The following FXYD6 variants were observed in gnomAD, a reference collection of about 807,000 sequenced individuals.
FXYD6 encodes the protein FXYD domain containing ion transport regulator 6.
A neutral mutation model predicts 16.7 loss-of-function variants in FXYD6; 7 were observed. That is an observed-to-expected ratio of 0.42 (90% CI 0.24 to 0.79). The LOEUF is 0.79. Ranked by LOEUF, FXYD6 falls within the 30% of genes least tolerant of loss-of-function variation. The pLI is 0.28. For synonymous variants in FXYD6, 49 were observed against 43.0 expected, an observed-to-expected ratio of 1.14 and a Z score of -0.54; for missense variants, 111 against 116.2, an observed-to-expected ratio of 0.95 and a Z score of 0.21.
intron 1 of FXYD6, among the ~76,000 whole-genome samples, chr11:117,846,256 C>T (rs187039751): frequency 1.3e-5 from 2 of 152,182 alleles, no homozygotes; most frequent in East Asian, 1.9e-4. Flanking sequence ...GCCGTTTGCC[C>T]GTTTTCCAAG....
At chr11:117,854,556 C>T (rs547285300) in intron 1 of FXYD6, among the ~76,000 whole-genome samples, 1 of 152,316 alleles carries the variant, frequency 6.6e-6, no homozygotes, top group South Asian at 2.1e-4. Context: ...AAGATACAGC[C>T]TTAGCTACCA....
chr11:117,860,291 T>G (rs2056874762), intron 1 of FXYD6, among the ~76,000 whole-genome samples: 1 of 152,196 alleles, frequency 6.6e-6, no homozygotes, highest in Non-Finnish European at 1.5e-5. Context: ...TGTGGCTCTT[T>G]GAAGGGCCCA....
chr11:117,866,644 A>G (rs7101835), intron 1 of FXYD6, among the ~76,000 whole-genome samples: 74,124 of 151,982 alleles, frequency 0.49, 19,178 homozygotes, highest in East Asian at 0.72. Context: ...GTCCCAGCTG[A>G]GCTTTGGCAT....
chr11:117,864,666 A>T (rs1254185582), intron 1 of FXYD6, among the ~76,000 whole-genome samples: 2 of 152,016 alleles, frequency 1.3e-5, no homozygotes, highest in Non-Finnish European at 2.9e-5. Flanking sequence ...GGCTGACTGC[A>T]ACCTCCACCT....
rs762246026 is a variant in FXYD6, at chr11:117,841,813, C to T, written c.150G>A (p.Ser50=). Residue 50 remains serine, a synonymous_variant, in exon 4 of 8, where the codon TCG becomes TCA. Coordinates refer to ENST00000526014, the MANE Select transcript of FXYD6 (RefSeq NM_022003.4). The part of the protein sequence containing the change: ...GGLVFAVVLF[S]VGILLILSRR... ...TACTTAGGATAAGGAGGATCCCAAC[C>T]GAGAAGAGGACCACAGCGAACACCA... is the stretch of plus-strand genomic sequence containing the variant. The T allele has an allele frequency of 1.3e-5, 21 of 1,613,912 alleles. No individual in the cohort carries two copies. The highest frequency in any genetic ancestry group is 1.6e-4 in the Middle Eastern group (1 of 6,062).
intron 1 of FXYD6, among the ~76,000 whole-genome samples, chr11:117,860,566 C>T (rs376420136): frequency 6.6e-6 from 1 of 152,158 alleles, no homozygotes; most frequent in African/African-American, 2.4e-5. Context: ...GCTGTTTACT[C>T]GGGTGGGGGA....
rs2134124871 is a variant in FXYD6, at chr11:117,837,888, G to A, written c.*411C>T. 2.8e-6 allele frequency: 1 copy of A among 358,582 alleles called. No homozygotes were observed. The allele number at this position is 358,582 out of a possible 1,614,324, so 22.2% of individuals were successfully genotyped here. A position where few individuals can be genotyped will look rare whatever the true frequency, so the allele number is the denominator to read the frequency against. On this transcript the variant is annotated 3_prime_UTR_variant, in exon 8 of 8. Transcript: ENST00000526014. The surrounding 1 kb of genome is among the most constrained non-coding windows in gnomAD (Gnocchi z 4.4). Reference sequence around the variant, plus strand: ...TCGGGCAACAAGCAGCCTCCTAGGAGCAGAAGGTGATGGAGGGCCACGGGG... The same window carrying A: ...TCGGGCAACAAGCAGCCTCCTAGGAACAGAAGGTGATGGAGGGCCACGGGG...
chr11:117,865,190 G>A (rs1195662070), intron 1 of FXYD6, among the ~76,000 whole-genome samples: 7 of 152,124 alleles, frequency 4.6e-5, no homozygotes. Context: ...TAGGATAGCT[G>A]CTATAAAAAA....
intron 1 of FXYD6, among the ~76,000 whole-genome samples, chr11:117,845,758 C>T (rs2056453733): frequency 1.3e-5 from 2 of 152,180 alleles, no homozygotes; most frequent in South Asian, 4.1e-4. Flanking sequence ...ATCACCACTC[C>T]CATAAGAAAT....
intron 2 of FXYD6, 155 bp from the exon 3 acceptor site, chr11:117,842,183 C>T (rs2056363005): frequency 8.7e-7 from 1 of 1,149,460 alleles, no homozygotes; most frequent in Non-Finnish European, 1.2e-6. Flanking sequence ...GTAGGGCGGG[C>T]CTGCCAGTTA....
intron 1 of FXYD6, among the ~76,000 whole-genome samples, chr11:117,845,524 A>C (rs930879406): frequency 3.9e-5 from 6 of 152,132 alleles, no homozygotes; most frequent in Admixed American, 1.3e-4. Flanking sequence ...TCTGTGGTTC[A>C]CTGACTTACT....
chr11:117,851,969 G>A (rs2134161182), intron 1 of FXYD6, among the ~76,000 whole-genome samples: 1 of 152,368 alleles, frequency 6.6e-6, no homozygotes, highest in African/African-American at 2.4e-5. Context: ...GCTGGAGCTC[G>A]AGAATTTTCT....
intron 3 of FXYD6, 28 bp downstream of exon 3, chr11:117,841,962 C>T: frequency 6.2e-7 from 1 of 1,614,150 alleles, no homozygotes; most frequent in Non-Finnish European, 8.5e-7. Flanking sequence ...TCCCCCTGAC[C>T]CCTGCACCCA....
rs561952504 is a variant in FXYD6, at chr11:117,851,971, G to A, written c.-5-9190C>T. ...CTCAATCTTGCAGGCTGGAGCTCGA[G>A]AATTTTCTCCCTTGCTGGCTTGAAA... is the stretch of plus-strand genomic sequence containing the variant. On this transcript the variant is annotated intron_variant, in intron 1 of 7. Transcript: ENST00000526014. Among the ~76,000 whole-genome samples, 5 of 152,358 alleles carry A rather than the reference G, an allele frequency of 3.3e-5. No individual in the cohort carries two copies. In the South Asian group the frequency reaches 1.0e-3, roughly 32 times the overall value.
At chr11:117,871,451 G>C (rs542051851) in intron 1 of FXYD6, among the ~76,000 whole-genome samples, 3 of 152,024 alleles carry the variant, frequency 2.0e-5, no homozygotes, top group Admixed American at 1.3e-4. Flanking sequence ...CGGTGCAGTG[G>C]AGCGGGCGGG....
intron 1 of FXYD6, among the ~76,000 whole-genome samples, chr11:117,871,541 ATATGAG>A (rs1284077070): frequency 7.2e-5 from 11 of 152,212 alleles, no homozygotes; most frequent in Non-Finnish European, 1.6e-4. Flanking sequence ...CATTCACGGT[ATATGAG>A]TATGTTTATT....
intron 1 of FXYD6, among the ~76,000 whole-genome samples, chr11:117,846,909 C>A (rs2056483208): frequency 6.6e-6 from 1 of 152,144 alleles, no homozygotes; most frequent in Non-Finnish European, 1.5e-5. Context: ...TTTTCAAATT[C>A]ATCTAAAACT....
chr11:117,854,067 T>A (rs1444577348), intron 1 of FXYD6, among the ~76,000 whole-genome samples: 1 of 152,236 alleles, frequency 6.6e-6, no homozygotes, highest in Non-Finnish European at 1.5e-5. Context: ...TCTCCTTCTC[T>A]TTCTTTCTCC....
chr11:117,852,991 G>C (rs1007989607), intron 1 of FXYD6, among the ~76,000 whole-genome samples: 1 of 152,236 alleles, frequency 6.6e-6, no homozygotes, highest in East Asian at 1.9e-4. Flanking sequence ...AATTGCCTGG[G>C]CATTTGTGTT....
Sources: allele counts gnomAD v4.1 joint callset (sites outside exome capture counted in the v4.1 genomes callset), GRCh38; gene constraint gnomAD v4.1.1; non-coding constraint Gnocchi (gnomAD v3.1); transcripts MANE v1.5; gene names NCBI Gene and HGNC (gene_info 2026-07-23, HGNC 2026-07-21).